The following ACTN3 variants were observed in gnomAD, a reference collection of about 807,000 sequenced individuals.
The protein encoded by ACTN3 is actinin alpha 3.
Under a neutral mutation model 119.6 loss-of-function variants are expected in ACTN3, and 91 were observed. The ratio of observed to expected loss-of-function variants is 0.76; its 90% CI spans 0.64 to 0.91. ACTN3 has a LOEUF of 0.91. Among genes scored for constraint, ACTN3 ranks in the 40% least tolerant of loss-of-function variants. The probability of loss-of-function intolerance (pLI) is 0.00; values close to 1 mark genes in which losing one functional copy is unlikely to be tolerated. For synonymous variants in ACTN3, 456 were observed against 478.8 expected, an observed-to-expected ratio of 0.95 and a Z score of 0.62; for missense variants, 1,221 against 1,215.1, an observed-to-expected ratio of 1.00 and a Z score of -0.07.
chr11:66,549,449 G>A (rs2134916198), intron 1 of ACTN3, among the ~76,000 whole-genome samples: 1 of 152,240 alleles, frequency 6.6e-6, no homozygotes, highest in African/African-American at 2.4e-5. Flanking sequence ...AGTCTTGTTT[G>A]GGCTGGGAGT....
In ACTN3 at chr11:66,547,043, G is replaced by T; in HGVS notation, c.106G>T (p.Asp36Tyr). ...GGAACAGGAGGAGGACTGGGACCGC[G>T]ACCTGCTGCTGGACCCGGCCTGGGA... is the stretch of plus-strand genomic sequence containing the variant. ...YMEQEEDWDRDLLLDPAWEKQ... is the reference protein window; with the variant it reads ...YMEQEEDWDRYLLLDPAWEKQ... The change falls in exon 1 of 21, where the codon GAC becomes TAC. Residue 36 changes from aspartate to tyrosine, a missense_variant. Around this residue, in one of 3 missense-constraint regions of ACTN3, gnomAD observed 239 missense variants for 231.8 expected, o/e 1.03. Transcript: ENST00000513398. The T allele has an allele frequency of 6.6e-7, 1 of 1,511,954 alleles. No homozygotes were observed. Among genetic ancestry groups the T allele is most frequent in the East Asian group, 2.3e-5 (1 of 43,652 alleles). The allele number at this position is 1,511,954 out of a possible 1,614,324, so 93.7% of individuals were successfully genotyped here.
intron 8 of ACTN3, among the ~76,000 whole-genome samples, chr11:66,556,741 GCT>G (rs1269998851): frequency 1.5e-5 from 2 of 136,900 alleles, no homozygotes; most frequent in Non-Finnish European, 3.2e-5. Context: ...CCAGCTGGGG[GCT>G]CTGTTTTTGT....
rs531439359 is a variant in ACTN3, at chr11:66,551,713, C to G, written c.382+66C>G. ...GCCTCTCTTGACATCAGCAAATCAC[C>G]TCTGTGAGCCTCAGTTTCCTCATCT... is the stretch of plus-strand genomic sequence containing the variant. On this transcript the variant is annotated intron_variant, in intron 3 of 20. Coordinates refer to ENST00000513398, the MANE Select transcript of ACTN3 (RefSeq NM_001104.4). 1.1e-5 allele frequency: 18 copies of G among 1,589,406 alleles called. No homozygotes were observed. The African/African-American group carries it at 2.2e-4, about 19-fold the overall frequency.
Position 66,563,155 on chromosome 11 carries a change from G to A in ACTN3, c.2668G>A (p.Ala890Thr). 6.2e-7 allele frequency: 1 copy of A among 1,612,832 alleles called. No homozygotes were observed. Among genetic ancestry groups the A allele is most frequent in the Non-Finnish European group, 8.5e-7 (1 of 1,179,450 alleles). The stretch of plus-strand genomic sequence containing the variant: ...CCCGGCTGGAGCCCTGGACTACGTG[G>A]CCTTCTCCAGTGCCCTCTATGGGGA... ...GAPAGALDYV[A>T]FSSALYGESD... The change falls in exon 21 of 21, where the codon GCC (alanine) becomes ACC (threonine). Residue 890 changes from alanine (A) to threonine (T), a missense_variant. Coordinates refer to ENST00000513398, the MANE Select transcript of ACTN3 (RefSeq NM_001104.4).
chr11:66,554,918 G>A (rs909821608), intron 5 of ACTN3, among the ~76,000 whole-genome samples: 6 of 152,140 alleles, frequency 3.9e-5, no homozygotes, highest in Non-Finnish European at 8.8e-5. Flanking sequence ...GAAACTGGTC[G>A]GGCCTAAGCA....
Position 66,557,130 on chromosome 11 carries a change from C to T in ACTN3, c.805-3C>T, listed in dbSNP as rs1275430071. On this transcript the variant is annotated splice_polypyrimidine_tract_variant and splice_region_variant and intron_variant, in intron 8 of 20. Coordinates refer to ENST00000513398, the MANE Select transcript of ACTN3 (RefSeq NM_001104.4). ...GCCAGCCTTCTGCCCACTCCCCCCA[C>T]AGGCAGAGACAGCTGCCAACAGGAT... 1.3e-6 allele frequency: 2 copies of T among 1,552,042 alleles called. No individual in the cohort carries two copies. The highest frequency in any genetic ancestry group is 1.2e-5 in the South Asian group (1 of 84,066).
In ACTN3 at chr11:66,558,086, G is replaced by A. The variant is rs753868391; in HGVS notation, c.1188G>A (p.Leu396=). Residue 396 remains leucine (L), a synonymous_variant, in exon 11 of 21, where the codon CTG becomes CTA. Transcript: ENST00000513398. ...TGGAAAAGGGCTATGAGGACTGGCT[G>A]CTCTCGGAGATCCGGCGCCTGCAGC... ...EQVEKGYEDW[L]LSEIRRLQRL... is the part of the protein sequence containing the mutation. The A allele has an allele frequency of 3.1e-6, 5 of 1,613,858 alleles. No individual in the cohort carries two copies. The South Asian group carries it at 5.5e-5, about 18-fold the overall frequency.
At chr11:66,551,151 T>G in intron 1 of ACTN3, 88 bp from the exon 2 acceptor site, 8 of 975,920 alleles carry the variant, frequency 8.2e-6, no homozygotes, top group East Asian at 2.6e-5. Context: ...TACAAGGCTC[T>G]GAGACCTACC....
rs574848604 is a variant in ACTN3, at chr11:66,562,106, G to A, written c.2260G>A (p.Ala754Thr). ...EVENQVLTRD[A>T]KGLSQEQLNE... ...GGAGAACCAGGTACTGACCCGAGAC[G>A]CCAAGGGACTGAGCCAGGAGCAGCT... The change falls in exon 18 of 21, where the codon GCC (alanine) becomes ACC (threonine). Residue 754 changes from alanine to threonine, a missense_variant. Ala to Thr is a moderately conservative substitution (Grantham distance 58). Coordinates refer to ENST00000513398, the MANE Select transcript of ACTN3 (RefSeq NM_001104.4). 1.5e-5 allele frequency: 25 copies of A among 1,613,932 alleles called. No individual in the cohort carries two copies. The highest frequency in any genetic ancestry group is 2.0e-5 in the Non-Finnish European group (24 of 1,179,992).
At position 66,551,369 on chromosome 11, in the gene ACTN3, C is replaced by A. The variant is rs766590041; in HGVS notation, c.262+16C>A. The A allele has an allele frequency of 1.3e-6, 2 of 1,591,576 alleles. No individual in the cohort carries two copies. Among genetic ancestry groups the A allele is most frequent in the Non-Finnish European group, 1.7e-6 (2 of 1,168,400 alleles). On this transcript the variant is annotated intron_variant, in intron 2 of 20. Transcript: ENST00000513398. ...GTCATTTCAGGTGAGGATGGCAAAT[C>A]AGTGCACCTGGGCCCCAGGACCCAG...
chr11:66,559,327 C>A lies in ACTN3; in HGVS notation c.1368C>A (p.Ser456Arg). The change falls in exon 12 of 21, where the codon AGC (serine) becomes AGA (arginine). Residue 456 changes from serine (S) to arginine (R), a missense_variant. Around this residue, in one of 3 missense-constraint regions of ACTN3, gnomAD observed 934 missense variants for 899.9 expected, o/e 1.04. Coordinates refer to ENST00000513398, the MANE Select transcript of ACTN3 (RefSeq NM_001104.4). ...TGCGGCGCCACGAGGCCTTTGAGAG[C>A]GACCTGGCGGCGCACCAGGACCGCG... ...ALLRRHEAFE[S>R]DLAAHQDRVE... 6.3e-7 allele frequency: 1 copy of A among 1,575,674 alleles called. No individual in the cohort carries two copies. The highest frequency in any genetic ancestry group is 1.8e-5 in the Admixed American group (1 of 55,444).
rs1335349021 is a variant in ACTN3, at chr11:66,562,247, C to T, written c.2323-10C>T. ...GGAGACCAAGCCTGATAACCACTCA[C>T]CCCCTACAGAAGCAGAATGGGATGA... On this transcript the variant is annotated splice_polypyrimidine_tract_variant and intron_variant, in intron 18 of 20. Transcript: ENST00000513398. The T allele has an allele frequency of 3.1e-6, 5 of 1,613,854 alleles. No individual in the cohort carries two copies. The highest frequency in any genetic ancestry group is 1.7e-4 in the Middle Eastern group (1 of 6,060).
In ACTN3 at chr11:66,562,976, G is replaced by C. The variant is rs540616845; in HGVS notation, c.2547+22G>C. The C allele has an allele frequency of 1.2e-5, 20 of 1,610,188 alleles. 2 individuals are homozygous for C. In the South Asian group the frequency reaches 2.1e-4, roughly 17 times the overall value. On this transcript the variant is annotated intron_variant, in intron 20 of 20. Coordinates refer to ENST00000513398, the MANE Select transcript of ACTN3 (RefSeq NM_001104.4). ...CAAGGTGAGTCCCAGGCGGTGGAGG[G>C]GCTGGTGGGCTAGGGCAGGGCACGG...
chr11:66,548,400 G>A (rs1376249648), intron 1 of ACTN3, among the ~76,000 whole-genome samples: 9 of 151,672 alleles, frequency 5.9e-5, no homozygotes, highest in East Asian at 3.9e-4. Context: ...CCAGGTCTGC[G>A]TGCCCCCCAT....
chr11:66,560,134 G>T, intron 13 of ACTN3, 37 bp from the exon 14 acceptor site: 1 of 1,563,290 alleles, frequency 6.4e-7, no homozygotes. Flanking sequence ...CAGGTCTGCA[G>T]GGCAGGCTTC....
At chr11:66,562,357 A>G in intron 19 of ACTN3, 35 bp downstream of exon 19, 1 of 1,605,382 alleles carries the variant, frequency 6.2e-7, no homozygotes, top group Non-Finnish European at 8.5e-7. Context: ...AGGAGTCCCA[A>G]AGTACCCCCT....
In ACTN3 at chr11:66,556,103, C is replaced by A. The variant is rs376183971; in HGVS notation, c.719-42C>A. 7 of 1,562,350 alleles carry A rather than the reference C, an allele frequency of 4.5e-6. No homozygotes were observed. The South Asian group carries it at 4.7e-5, about 10-fold the overall frequency. On this transcript the variant is annotated intron_variant, in intron 7 of 20. Transcript: ENST00000513398. The stretch of plus-strand genomic sequence containing the variant: ...AGAGAGTTCTCTGCCTGGGGAGGGA[C>A]CCCTGGCTTTGGCCAGTAGACACCG...
chr11:66,546,682 G>A, upstream of ACTN3: 2 of 1,532,370 alleles, frequency 1.3e-6, no homozygotes, highest in Non-Finnish European at 1.7e-6. Context: ...GTCACACAGC[G>A]CCCCAGCAGC....
rs1565306080 is a variant in ACTN3, at chr11:66,556,222, G to A, written c.796G>A (p.Ala266Thr). 1.2e-6 allele frequency: 2 copies of A among 1,613,748 alleles called. No homozygotes were observed. ...VSCFYHAFAGAEQAETAANRI... is the reference protein window; with the variant it reads ...VSCFYHAFAGTEQAETAANRI... ...CTGCTTCTACCATGCCTTTGCCGGG[G>A]CTGAGCAGGTAAGGCGGCCCAACTG... is the stretch of plus-strand genomic sequence containing the variant. The change falls in exon 8 of 21, where the codon GCT (alanine) becomes ACT (threonine). Residue 266 changes from alanine (A) to threonine (T), a missense_variant. Ala to Thr is a moderately conservative substitution (Grantham distance 58). Transcript: ENST00000513398.
Sources: allele counts gnomAD v4.1 joint callset (sites outside exome capture counted in the v4.1 genomes callset), GRCh38; gene constraint gnomAD v4.1.1; regional missense constraint gnomAD v4.1.1; transcripts MANE v1.5; gene names NCBI Gene and HGNC (gene_info 2026-07-23, HGNC 2026-07-21).